The following CNTNAP2 variants were observed in gnomAD, a reference collection of about 807,000 sequenced individuals.
The protein encoded by CNTNAP2 is contactin-associated protein-like 2.
CNTNAP2 carries 98 observed loss-of-function variants against 155.2 expected under a neutral mutation model. The observed-to-expected ratio is 0.63, with a 90% CI of 0.54 to 0.75. The LOEUF is 0.75. CNTNAP2 is among the 30% of genes least tolerant of loss of function. The pLI, the probability that CNTNAP2 is intolerant of heterozygous loss-of-function variation, is 0.00. For synonymous variants in CNTNAP2, 651 were observed against 631.2 expected (o/e 1.03, Z -0.47); for missense variants, 1,727 against 1,688.1 (o/e 1.02, Z -0.40).
At position 146,461,522 on chromosome 7, in the gene CNTNAP2, C is replaced by G. The variant is rs6943462; in HGVS notation, c.98-312749C>G. Reference sequence around the variant, plus strand: ...TTAGTAGCATTTGTTTATTGCTTTGCAAAAATCTTTAAATTTTTAAAATAA... The same window carrying G: ...TTAGTAGCATTTGTTTATTGCTTTGGAAAAATCTTTAAATTTTTAAAATAA... On this transcript the variant is annotated intron_variant, in intron 1 of 23. Coordinates refer to ENST00000361727, the MANE Select transcript of CNTNAP2 (RefSeq NM_014141.6). Among the ~76,000 whole-genome samples, 192 of 152,018 alleles carry G rather than the reference C, an allele frequency of 1.3e-3. 2 individuals carry two copies. Among genetic ancestry groups the G allele is most frequent in the African/African-American group, 4.4e-3 (184 of 41,482 alleles).
At chr7:148,320,376 C>CTTTTTTTTT (rs67424217) in intron 21 of CNTNAP2, among the ~76,000 whole-genome samples, 15 of 63,376 alleles carry the variant, frequency 2.4e-4, no homozygotes, top group South Asian at 9.3e-4. Flanking sequence ...ATTTTTTTTT[C>CTTTTTTTTT]TTTTTTTTTT....
intron 9 of CNTNAP2, among the ~76,000 whole-genome samples, chr7:147,311,304 A>G (rs892441333): frequency 1.3e-5 from 2 of 152,138 alleles, no homozygotes; most frequent in African/African-American, 4.8e-5. Flanking sequence ...AGTACTTCTA[A>G]AGGAAAAAGA....
chr7:147,755,181 T>A (rs933717067), intron 13 of CNTNAP2, among the ~76,000 whole-genome samples: 1 of 152,158 alleles, frequency 6.6e-6, no homozygotes, highest in Non-Finnish European at 1.5e-5. Flanking sequence ...GTATGAGTGA[T>A]AAGAAGTGTC....
intron 1 of CNTNAP2, among the ~76,000 whole-genome samples, chr7:146,727,322 T>C (rs963115012): frequency 5.9e-5 from 9 of 152,210 alleles, no homozygotes; most frequent in Non-Finnish European, 1.2e-4. Flanking sequence ...GTGGTGTACT[T>C]GGAATATAAA....
intron 15 of CNTNAP2, among the ~76,000 whole-genome samples, chr7:148,065,511 T>G (rs1803240060): frequency 6.6e-6 from 1 of 152,240 alleles, no homozygotes; most frequent in South Asian, 2.1e-4. Flanking sequence ...TATTTTCCTG[T>G]TGGACTAGTC....
intron 12 of CNTNAP2, among the ~76,000 whole-genome samples, chr7:147,586,283 C>T (rs6962449): frequency 0.3 from 44,754 of 151,444 alleles, 7,453 homozygotes; most frequent in African/African-American, 0.45. Flanking sequence ...TTAAAGAATC[C>T]ATTCTATCAG....
intron 9 of CNTNAP2, among the ~76,000 whole-genome samples, chr7:147,321,700 C>G (rs898227177): frequency 5.3e-5 from 8 of 152,126 alleles, no homozygotes; most frequent in Non-Finnish European, 1.2e-4. Context: ...CAGTTGGCAC[C>G]TAATTTGCCT....
rs142868915 is a variant in CNTNAP2, at chr7:146,467,280, A to G, written c.98-306991A>G. ...TCTGGTAATTATTTTGCCTTTAAGA[A>G]AAACTAATACAAAAACCAAGTATTT... On this transcript the variant is annotated intron_variant, in intron 1 of 23. Coordinates refer to ENST00000361727, the MANE Select transcript of CNTNAP2 (RefSeq NM_014141.6). 1.3e-4 allele frequency among the ~76,000 whole-genome samples: 20 copies of G among 152,304 alleles called. 1 individual carries two copies. The highest frequency in any genetic ancestry group is 6.8e-3 in the Middle Eastern group (2 of 292).
chr7:146,251,421 G>T (rs1799754967), intron 1 of CNTNAP2, among the ~76,000 whole-genome samples: 1 of 151,998 alleles, frequency 6.6e-6, no homozygotes, highest in African/African-American at 2.4e-5. Context: ...TCAAAATGTG[G>T]TGTTACCTGA....
intron 12 of CNTNAP2, among the ~76,000 whole-genome samples, chr7:147,567,749 C>G (rs1800200901): frequency 6.6e-6 from 1 of 152,076 alleles, no homozygotes; most frequent in Admixed American, 6.5e-5. Flanking sequence ...GTCCTACAGG[C>G]AGATGCTACG....
intron 13 of CNTNAP2, among the ~76,000 whole-genome samples, chr7:147,722,806 G>A (rs1296372849): frequency 6.6e-6 from 1 of 152,016 alleles, no homozygotes; most frequent in Admixed American, 6.6e-5. Context: ...TTGTGTCACA[G>A]GTCATTTCAT....
intron 1 of CNTNAP2, among the ~76,000 whole-genome samples, chr7:146,683,542 C>T (rs181819402): frequency 6.6e-6 from 1 of 152,264 alleles, no homozygotes; most frequent in East Asian, 1.9e-4. Context: ...GTGTGTCATA[C>T]CGGACATTAA....
chr7:146,346,829 C>T (rs1175693967), intron 1 of CNTNAP2, among the ~76,000 whole-genome samples: 1 of 152,186 alleles, frequency 6.6e-6, no homozygotes, highest in Non-Finnish European at 1.5e-5. Context: ...CCCATCCCTG[C>T]TGCCAAAAAT....
chr7:147,407,067 CT>C (rs761292302), intron 10 of CNTNAP2, among the ~76,000 whole-genome samples: 15 of 152,146 alleles, frequency 9.9e-5, no homozygotes, highest in East Asian at 9.7e-4. Flanking sequence ...AGACCCCCCC[CT>C]CTGGGAAATT....
At chr7:147,113,412 A>T (rs1800922286) in intron 5 of CNTNAP2, among the ~76,000 whole-genome samples, 2 of 152,006 alleles carry the variant, frequency 1.3e-5, no homozygotes, top group Admixed American at 6.6e-5. Context: ...TCACACTGGT[A>T]TAAAGAACTG....
At chr7:146,345,726 A>C (rs1794809851) in intron 1 of CNTNAP2, among the ~76,000 whole-genome samples, 2 of 152,182 alleles carry the variant, frequency 1.3e-5, no homozygotes, top group Non-Finnish European at 2.9e-5. Flanking sequence ...ATGTCTGCTA[A>C]TTGCTTTGTG....
chr7:148,150,738 TTTTG>T (rs374848902), intron 17 of CNTNAP2, among the ~76,000 whole-genome samples: 15 of 152,146 alleles, frequency 9.9e-5, no homozygotes, highest in Admixed American at 7.2e-4. Context: ...TATTTCTATG[TTTTG>T]TTTGTTTGTT....
rs117326809 is a variant in CNTNAP2 at position 147,275,602 on chromosome 7, T to C, written c.1349-24539T>C. 4.8e-4 allele frequency among the ~76,000 whole-genome samples: 73 copies of C among 152,188 alleles called. No individual in the cohort carries two copies. The East Asian group carries it at 0.014, about 29-fold the overall frequency. On this transcript the variant is annotated intron_variant, in intron 8 of 23. Coordinates refer to ENST00000361727, the MANE Select transcript of CNTNAP2 (RefSeq NM_014141.6). ...TGAAGGGACCTTTAAGATCATGTCA[T>C]CAGTGAACAGAGATAATTTAACAAT...
chr7:146,771,575 T>G (rs1480694913), intron 1 of CNTNAP2, among the ~76,000 whole-genome samples: 1 of 152,206 alleles, frequency 6.6e-6, no homozygotes, highest in Non-Finnish European at 1.5e-5. Context: ...TTCTTTTCAT[T>G]CTTTTACATT....
Sources: gnomAD v4.1 joint callset for allele counts (sites outside exome capture counted in the v4.1 genomes callset) on GRCh38, gnomAD v4.1.1 for gene constraint, MANE v1.5 for transcripts, NCBI Gene and HGNC (gene_info 2026-07-23, HGNC 2026-07-21) for gene names.